CDK14: variants seen among roughly 807,000 people sequenced by gnomAD.
The protein encoded by CDK14 is cyclin dependent kinase 14.
In CDK14, 34 loss-of-function variants were observed where a neutral mutation model predicts 60.7. The ratio of observed to expected loss-of-function variants is 0.56; its 90% CI spans 0.43 to 0.75. The LOEUF (loss-of-function observed/expected upper bound fraction) is 0.75. Among genes scored for constraint, CDK14 ranks in the 30% least tolerant of loss-of-function variants. The pLI is 0.00. For synonymous variants in CDK14, 197 were observed against 203.7 expected, an observed-to-expected ratio of 0.97 and a Z score of 0.28; for missense variants, 482 against 564.1, an observed-to-expected ratio of 0.85 and a Z score of 1.47.
At chr7:90,812,481 G>T (rs1033416353) in intron 5 of CDK14, among the ~76,000 whole-genome samples, 2 of 152,120 alleles carry the variant, frequency 1.3e-5, no homozygotes, top group African/African-American at 2.4e-5. Flanking sequence ...GTTGGGGAAG[G>T]GGGGACGGAT....
intron 3 of CDK14, among the ~76,000 whole-genome samples, chr7:90,732,180 G>A (rs1400635952): frequency 6.6e-6 from 1 of 152,172 alleles, no homozygotes; most frequent in Non-Finnish European, 1.5e-5. Context: ...TTGCATTCCA[G>A]GGATGAAGCC....
At chr7:90,688,148 A>G (rs1206249676) in intron 2 of CDK14, among the ~76,000 whole-genome samples, 1 of 152,174 alleles carries the variant, frequency 6.6e-6, no homozygotes, top group African/African-American at 2.4e-5. Flanking sequence ...TCCAGGTTGG[A>G]CTGTGGTTAT....
At chr7:91,016,373 A>T (rs1361326731) in intron 10 of CDK14, among the ~76,000 whole-genome samples, 3 of 152,150 alleles carry the variant, frequency 2.0e-5, no homozygotes, top group Non-Finnish European at 4.4e-5. Flanking sequence ...TCCTCAATTT[A>T]GACGGTCCTA....
chr7:90,991,369 A>G (rs1257569519), intron 10 of CDK14, among the ~76,000 whole-genome samples: 1 of 152,172 alleles, frequency 6.6e-6, no homozygotes, highest in Non-Finnish European at 1.5e-5. Context: ...AGGGAAATGC[A>G]GTGGACCACT....
intron 2 of CDK14, among the ~76,000 whole-genome samples, chr7:90,675,972 A>G (rs1300262415): frequency 6.6e-6 from 1 of 152,242 alleles, no homozygotes; most frequent in African/African-American, 2.4e-5. Context: ...GAGTTAGCAA[A>G]CTACAGTTCA....
chr7:91,172,569 C>T (rs1462759968), intron 14 of CDK14, among the ~76,000 whole-genome samples: 1 of 152,184 alleles, frequency 6.6e-6, no homozygotes, highest in Non-Finnish European at 1.5e-5. Context: ...CAGTGGGTCC[C>T]ATAGGCTAGA....
At chr7:90,735,785 C>T (rs922352117) in intron 3 of CDK14, among the ~76,000 whole-genome samples, 1 of 152,212 alleles carries the variant, frequency 6.6e-6, no homozygotes, top group African/African-American at 2.4e-5. Context: ...ACCTGCCGAG[C>T]CAGACCACTT....
intron 14 of CDK14, among the ~76,000 whole-genome samples, chr7:91,150,172 G>T (rs1171743574): frequency 2.6e-5 from 4 of 152,156 alleles, no homozygotes; most frequent in Non-Finnish European, 5.9e-5. Flanking sequence ...AACATCTTCT[G>T]GTCAGGAGGA....
intron 10 of CDK14, among the ~76,000 whole-genome samples, chr7:90,989,680 G>C (rs898084692): frequency 1.3e-5 from 2 of 152,078 alleles, no homozygotes; most frequent in African/African-American, 2.4e-5. Context: ...TGAACGCTAA[G>C]AGTTAAATGT....
At chr7:90,600,611 T>TTG (rs1799295244) in intron 1 of CDK14, among the ~76,000 whole-genome samples, 1 of 152,226 alleles carries the variant, frequency 6.6e-6, no homozygotes, top group Non-Finnish European at 1.5e-5. Context: ...AACTGTGTAA[T>TTG]TCTAGAGTCC....
intron 5 of CDK14, among the ~76,000 whole-genome samples, chr7:90,804,755 G>A (rs891444417): frequency 6.6e-6 from 1 of 151,932 alleles, no homozygotes; most frequent in Non-Finnish European, 1.5e-5. Context: ...TTTTAAATTT[G>A]TAAAAAATTT....
chr7:90,956,093 A>T (rs986916822), intron 9 of CDK14, among the ~76,000 whole-genome samples: 1 of 152,092 alleles, frequency 6.6e-6, no homozygotes, highest in African/African-American at 2.4e-5. Context: ...AAGAGTCTTA[A>T]TTTGTGGCTG....
At chr7:90,978,374 G>A (rs1795135864) in intron 9 of CDK14, among the ~76,000 whole-genome samples, 1 of 152,060 alleles carries the variant, frequency 6.6e-6, no homozygotes, top group African/African-American at 2.4e-5. Flanking sequence ...CGATATAGGG[G>A]CACGTATGTA....
intron 11 of CDK14, among the ~76,000 whole-genome samples, chr7:91,068,807 TAAA>T (rs57179045): frequency 0.1 from 6,966 of 68,590 alleles, 263 homozygotes; most frequent in Non-Finnish European, 0.14. Flanking sequence ...TACCTTATAT[TAAA>T]AAAAAAAAAA....
At chr7:90,717,431 C>T (rs994638886) in intron 2 of CDK14, among the ~76,000 whole-genome samples, 32 of 152,066 alleles carry the variant, frequency 2.1e-4, no homozygotes, top group African/African-American at 7.2e-4. Context: ...AACAAAACTA[C>T]AGTCACTGAA....
At chr7:91,104,501 TC>T (rs1452554292) in intron 12 of CDK14, among the ~76,000 whole-genome samples, 1 of 152,162 alleles carries the variant, frequency 6.6e-6, no homozygotes, top group Non-Finnish European at 1.5e-5. Context: ...TTTATTATAG[TC>T]CCCCTGACCT....
intron 14 of CDK14, among the ~76,000 whole-genome samples, chr7:91,150,260 G>A (rs1057028232): frequency 1.3e-5 from 2 of 152,124 alleles, no homozygotes; most frequent in East Asian, 1.9e-4. Flanking sequence ...GGCTGTTTAC[G>A]GGGGACATTT....
chr7:91,176,503 A>C (rs1336063740), intron 14 of CDK14, among the ~76,000 whole-genome samples: 1 of 152,224 alleles, frequency 6.6e-6, no homozygotes, highest in East Asian at 1.9e-4. Flanking sequence ...CCCTTCAAAA[A>C]ATTAATGAAT....
intron 11 of CDK14, among the ~76,000 whole-genome samples, chr7:91,063,160 A>G (rs1165446342): frequency 1.3e-5 from 2 of 152,220 alleles, no homozygotes; most frequent in African/African-American, 2.4e-5. Flanking sequence ...TAGGCTTGTC[A>G]GCTACTCCTA....
Sources: allele counts gnomAD v4.1 joint callset (sites outside exome capture counted in the v4.1 genomes callset), GRCh38; gene constraint gnomAD v4.1.1; transcripts MANE v1.5; gene names NCBI Gene and HGNC (gene_info 2026-07-23, HGNC 2026-07-21).